The following KDSR variants were observed in gnomAD, a reference collection of about 807,000 sequenced individuals.
The protein encoded by KDSR is 3-dehydrosphinganine reductase.
A neutral mutation model predicts 41.3 loss-of-function variants in KDSR; 23 were observed. The ratio of observed to expected loss-of-function variants is 0.56; its 90% CI spans 0.40 to 0.79. The LOEUF (loss-of-function observed/expected upper bound fraction) is 0.79, where lower values mean the gene tolerates loss of function less well. KDSR is among the 30% of genes least tolerant of loss of function. The pLI is 0.00. For synonymous variants in KDSR, 138 were observed against 151.7 expected, an observed-to-expected ratio of 0.91 and a Z score of 0.66; for missense variants, 351 against 416.8, an observed-to-expected ratio of 0.84 and a Z score of 1.37.
At chr18:63,334,894 A>G (rs1914111665) in intron 9 of KDSR, among the ~76,000 whole-genome samples, 1 of 152,210 alleles carries the variant, frequency 6.6e-6, no homozygotes, top group South Asian at 2.1e-4. Context: ...CTAATATCCC[A>G]GTACTTTTTA....
chr18:63,337,113 A>AATATATATATATATATATGTGAAT (rs1914192518), intron 8 of KDSR, among the ~76,000 whole-genome samples: 1 of 127,774 alleles, frequency 7.8e-6, no homozygotes, highest in African/African-American at 3.2e-5. Flanking sequence ...TATATATGTG[A>AATATATATATATATATATGTGAAT]ATATATATAT....
At chr18:63,344,909 C>G (rs1568278512) in intron 6 of KDSR, 1 of 158,768 alleles carries the variant, frequency 6.3e-6, no homozygotes, top group Non-Finnish European at 1.4e-5. Flanking sequence ...GACTGTACAT[C>G]TGTTTTTCCT....
In KDSR at chr18:63,338,909, A is replaced by G. The variant is rs202244149; in HGVS notation, c.694-26T>C. The G allele has an allele frequency of 1.1e-5, 15 of 1,346,320 alleles. No homozygotes were observed. In the East Asian group the frequency reaches 3.3e-4, roughly 29 times the overall value. The allele number at this position is 1,346,320 out of a possible 1,614,324, so 83.4% of individuals were successfully genotyped here. On this transcript the variant is annotated intron_variant, in intron 7 of 9. Coordinates refer to ENST00000645214, the MANE Select transcript of KDSR (RefSeq NM_002035.4). ...CTAAAAGTGGAAAAACATGTACATAACAATATCATGATTGCCCATTACATT... is the reference window on the plus strand; with the variant it reads ...CTAAAAGTGGAAAAACATGTACATAGCAATATCATGATTGCCCATTACATT...
intron 1 of KDSR, among the ~76,000 whole-genome samples, chr18:63,365,500 C>G (rs1915108664): frequency 6.6e-6 from 1 of 152,162 alleles, no homozygotes; most frequent in Non-Finnish European, 1.5e-5. Flanking sequence ...AATAATAATC[C>G]TGCGTATTAA....
chr18:63,359,817 T>A (rs747230906), intron 2 of KDSR, 25 bp from the exon 3 acceptor site: 1 of 1,552,154 alleles, frequency 6.4e-7, no homozygotes, highest in Non-Finnish European at 8.9e-7. Flanking sequence ...GAATAATTAG[T>A]CGTGATGACC....
Position 63,362,843 on chromosome 18 carries a change from C to T in KDSR, c.134G>A (p.Gly45Glu). Reference protein sequence around the residue: ...VVVTGGSSGIGKCIAIECYKQ... With the variant: ...VVVTGGSSGIEKCIAIECYKQ... ...ATAGCACTCGATAGCAATGCACTTC[C>T]CGATGCCACTGGAACCTCCTGTAAC... is the stretch of plus-strand genomic sequence containing the variant. Residue 45 changes from glycine to glutamate, a missense_variant, in exon 2 of 10, where the codon GGG (glycine) becomes GAG (glutamate). By Grantham distance (98) the Gly-to-Glu change is moderately conservative. Coordinates refer to ENST00000645214, the MANE Select transcript of KDSR (RefSeq NM_002035.4). The T allele has an allele frequency of 6.2e-7, 1 of 1,613,386 alleles. No individual in the cohort carries two copies. The highest frequency in any genetic ancestry group is 8.5e-7 in the Non-Finnish European group (1 of 1,179,442).
chr18:63,361,692 G>A (rs917015718), intron 2 of KDSR, among the ~76,000 whole-genome samples: 1 of 152,026 alleles, frequency 6.6e-6, no homozygotes, highest in African/African-American at 2.4e-5. Flanking sequence ...GTGGGCGCCT[G>A]TAGTCCCAGC....
At chr18:63,363,207 CTTTTTTTTTTTCT>C (rs1319890394) in intron 1 of KDSR, among the ~76,000 whole-genome samples, 5,022 of 121,738 alleles carry the variant, frequency 0.041, 86 homozygotes, top group Non-Finnish European at 0.056. Context: ...ATCTTATTTT[CTTTTTTTTTTTCT>C]TTTTTTTTTT....
chr18:63,349,366 AAG>A (rs1272049675), intron 6 of KDSR, among the ~76,000 whole-genome samples: 3 of 152,180 alleles, frequency 2.0e-5, no homozygotes, highest in African/African-American at 4.8e-5. Context: ...CTGGGCAACA[AAG>A]AGAGACGCTG....
chr18:63,357,462 T>C (rs1914827232), intron 3 of KDSR, among the ~76,000 whole-genome samples: 1 of 143,692 alleles, frequency 7.0e-6, no homozygotes, highest in South Asian at 2.1e-4. Context: ...AATAGAATAC[T>C]ACGCAGCAGT....
chr18:63,344,240 G>C, intron 7 of KDSR, 170 bp downstream of exon 7: 1 of 535,346 alleles, frequency 1.9e-6, no homozygotes, highest in Non-Finnish European at 3.3e-6. Context: ...AAAGAGGAAG[G>C]AAAGAAGGAA....
intron 8 of KDSR, among the ~76,000 whole-genome samples, chr18:63,336,236 G>T (rs1165584235): frequency 3.3e-5 from 5 of 152,096 alleles, no homozygotes; most frequent in Non-Finnish European, 7.4e-5. Flanking sequence ...CACCATGTTG[G>T]CCAGGCTGGT....
chr18:63,349,764 AGCCAGATC>A (rs1356274190), intron 6 of KDSR, among the ~76,000 whole-genome samples: 1 of 152,240 alleles, frequency 6.6e-6, no homozygotes, highest in Admixed American at 6.5e-5. Context: ...ATGGCCTATG[AGCCAGATC>A]TGGCCCTCTG....
chr18:63,347,495 C>CAAAAAA lies in KDSR; in HGVS notation c.610-3008_610-3003dup, dbSNP rs36023779. ...TGGGCCACAGAGTGAGACTCCATCT[C>CAAAAAA]AAAAAAAAAAAAAAAAAAAAAAAAG... On this transcript the variant is annotated intron_variant, in intron 6 of 9. Coordinates refer to ENST00000645214, the MANE Select transcript of KDSR (RefSeq NM_002035.4). Among the ~76,000 whole-genome samples, 143 of 56,870 alleles carry CAAAAAA rather than the reference C, an allele frequency of 2.5e-3. 1 individual carries two copies. The highest frequency in any genetic ancestry group is 2.8e-3 in the Non-Finnish European group (96 of 34,252). The allele number at this position is 56,870 out of a possible 152,430, so 37.3% of individuals were successfully genotyped here.
intron 5 of KDSR, among the ~76,000 whole-genome samples, chr18:63,353,971 A>G (rs147360997): frequency 1.3e-5 from 2 of 152,266 alleles, no homozygotes; most frequent in African/African-American, 4.8e-5. Context: ...ATTTTATGTT[A>G]TATGAATTTC....
chr18:63,333,772 C>T (rs931886583), intron 9 of KDSR, among the ~76,000 whole-genome samples: 11 of 152,164 alleles, frequency 7.2e-5, no homozygotes, highest in Admixed American at 1.3e-4. Flanking sequence ...CCATGGGAAT[C>T]GTTTACAACC....
At position 63,332,692 on chromosome 18, in the gene KDSR, T is replaced by C. The variant is rs191505110; in HGVS notation, c.880-791A>G. Among the ~76,000 whole-genome samples, 276 of 152,018 alleles carry C rather than the reference T, an allele frequency of 1.8e-3. 3 individuals carry two copies. In the South Asian group the frequency reaches 0.024, roughly 13 times the overall value. ...TAAAAATACAAAAAAATTATCCGCG[T>C]GTGGCGGTGTGCGCCTGTAGTCCAA... On this transcript the variant is annotated intron_variant, in intron 9 of 9. Transcript: ENST00000645214.
chr18:63,352,536 G>A (rs568369432), intron 5 of KDSR, among the ~76,000 whole-genome samples: 5 of 152,212 alleles, frequency 3.3e-5, no homozygotes, highest in Admixed American at 2.6e-4. Context: ...GGCTGGTCTC[G>A]AACTCCTGAC....
intron 3 of KDSR, 193 bp downstream of exon 3, chr18:63,359,543 A>G (rs1914903258): frequency 2.2e-6 from 1 of 458,124 alleles, no homozygotes; most frequent in South Asian, 5.6e-5. Flanking sequence ...GTAGATATGA[A>G]TGTGTGTGGG....
Sources: allele counts gnomAD v4.1 joint callset (sites outside exome capture counted in the v4.1 genomes callset), GRCh38; gene constraint gnomAD v4.1.1; transcripts MANE v1.5; gene names NCBI Gene and HGNC (gene_info 2026-07-23, HGNC 2026-07-21).